TAF5: variants seen among roughly 807,000 people sequenced by gnomAD.
TAF5 encodes TATA-box binding protein associated factor 5.
TAF5 carries 20 observed loss-of-function variants against 80.9 expected under a neutral mutation model. That is an observed-to-expected ratio of 0.25 (90% CI 0.17 to 0.36). The LOEUF is 0.36. Among genes scored for constraint, TAF5 ranks in the 10% least tolerant of loss-of-function variants. TAF5 has a pLI of 1.00. For missense variants in TAF5, 863 were observed against 1,029.4 expected (o/e 0.84, Z 2.21); for synonymous variants, 388 against 406.4 (o/e 0.95, Z 0.55).
intron 5 of TAF5, among the ~76,000 whole-genome samples, chr10:103,381,274 A>T (rs921404963): frequency 3.0e-5 from 4 of 134,142 alleles, no homozygotes; most frequent in African/African-American, 5.6e-5. Flanking sequence ...TTTTATTATT[A>T]TTTTTTTTTT....
intron 8 of TAF5, 83 bp downstream of exon 8, chr10:103,385,573 C>G: frequency 7.1e-7 from 1 of 1,408,760 alleles, no homozygotes; most frequent in Non-Finnish European, 9.7e-7. Context: ...CAGCCAAATT[C>G]ATTTACACTT....
At chr10:103,381,023 C>T (rs2093381617) in intron 5 of TAF5, among the ~76,000 whole-genome samples, 1 of 151,768 alleles carries the variant, frequency 6.6e-6, no homozygotes, top group Non-Finnish European at 1.5e-5. Context: ...AATTTTGGCT[C>T]ACTGCAACCT....
chr10:103,385,925 CAAAAAAAAAA>C (rs761128565), intron 8 of TAF5, among the ~76,000 whole-genome samples: 1 of 41,206 alleles, frequency 2.4e-5, no homozygotes, highest in East Asian at 8.2e-4. Context: ...GACTTCATCT[CAAAAAAAAAA>C]AAAAAAAAAA....
intron 1 of TAF5, among the ~76,000 whole-genome samples, chr10:103,369,214 G>C (rs953532233): frequency 6.6e-6 from 1 of 151,680 alleles, no homozygotes; most frequent in Non-Finnish European, 1.5e-5. Flanking sequence ...CCTGACCTCA[G>C]ATGATCCACC....
chr10:103,377,776 CT>C (rs1447690028), intron 2 of TAF5, among the ~76,000 whole-genome samples: 1 of 152,056 alleles, frequency 6.6e-6, no homozygotes, highest in Non-Finnish European at 1.5e-5. Flanking sequence ...TGTTGAGATG[CT>C]GAGTACTGTG....
chr10:103,387,592 G>A lies in TAF5; in HGVS notation c.2079G>A (p.Val693=). Residue 693 remains valine, a synonymous_variant, in exon 10 of 11, where the codon GTG becomes GTA. Coordinates refer to ENST00000369839, the MANE Select transcript of TAF5 (RefSeq NM_006951.5). ...CTACAGGAGCAACAGATGGCAGAGT[G>A]CTTCTTTGGGATATTGGACATGGTT... ...FLATGATDGR[V]LLWDIGHGLM... is the part of the protein sequence containing the mutation. 3 of 1,614,104 alleles carry A rather than the reference G, an allele frequency of 1.9e-6. No homozygotes were observed. The highest frequency in any genetic ancestry group is 2.5e-6 in the Non-Finnish European group (3 of 1,180,002).
intron 2 of TAF5, among the ~76,000 whole-genome samples, chr10:103,377,538 T>C (rs2093372669): frequency 1.3e-5 from 2 of 152,220 alleles, no homozygotes; most frequent in Admixed American, 6.5e-5. Context: ...AATTAAGCGT[T>C]GTAAAAACAA....
Position 103,381,906 on chromosome 10 carries a change from A to G in TAF5, c.1534+65A>G, listed in dbSNP as rs1592094521. On this transcript the variant is annotated intron_variant, in intron 6 of 10. Transcript: ENST00000369839. Reference sequence around the variant, plus strand: ...GTCTATACCAATCTTGATTCCATGGAAAATACACAGGAGATTGTGTTCTTT... The same window carrying G: ...GTCTATACCAATCTTGATTCCATGGGAAATACACAGGAGATTGTGTTCTTT... The G allele has an allele frequency of 1.9e-6, 3 of 1,589,626 alleles. No individual in the cohort carries two copies. In the East Asian group the frequency reaches 6.7e-5, roughly 36 times the overall value.
chr10:103,380,127 A>G, intron 5 of TAF5, 108 bp downstream of exon 5: 2 of 1,282,916 alleles, frequency 1.6e-6, no homozygotes, highest in South Asian at 1.8e-5. Context: ...CGTTATTTAA[A>G]CTCCTTTTTT....
intron 1 of TAF5, 37 bp from the exon 2 acceptor site, chr10:103,373,321 A>G (rs2093363906): frequency 6.5e-7 from 1 of 1,545,908 alleles, no homozygotes; most frequent in Non-Finnish European, 8.9e-7. Flanking sequence ...TGGTCATAAT[A>G]GGTCATTTTC....
Position 103,374,372 on chromosome 10 carries a change from C to G in TAF5, c.797+777C>G, listed in dbSNP as rs1251096191. 1.3e-5 allele frequency among the ~76,000 whole-genome samples: 2 copies of G among 152,196 alleles called. No individual in the cohort carries two copies. The highest frequency in any genetic ancestry group is 2.4e-5 in the African/African-American group (1 of 41,450). On this transcript the variant is annotated intron_variant, in intron 2 of 10. Transcript: ENST00000369839. This position sits in a 1 kb window ranked among gnomAD's most constrained non-coding sequence, Gnocchi z 4.3. The stretch of plus-strand genomic sequence containing the variant: ...CAAGCTCCCTCGGTCTTGTTGCTCT[C>G]TCATGCTTTTCATGCAATTTCCACC...
rs749413804 is a variant in TAF5 at position 103,368,400 on chromosome 10, C to T, written c.411C>T (p.Asp137=). ...GCTCCGGAGCCCCGGGAGAGGTGGA[C>T]AGCGCCGGCGCTGAGGTGACCAGCG... ...VAGSGAPGEV[D]SAGAEVTSAL... Residue 137 remains aspartate (D), a synonymous_variant, in exon 1 of 11, where the codon GAC becomes GAT. Coordinates refer to ENST00000369839, the MANE Select transcript of TAF5 (RefSeq NM_006951.5). 28 of 1,560,456 alleles carry T rather than the reference C, an allele frequency of 1.8e-5. No individual in the cohort carries two copies. The highest frequency in any genetic ancestry group is 2.3e-5 in the Non-Finnish European group (27 of 1,162,160).
rs2093366662 is a variant in TAF5 at position 103,374,658 on chromosome 10, C to G, written c.797+1063C>G. Among the ~76,000 whole-genome samples the G allele has an allele frequency of 6.6e-6, 1 of 152,170 alleles. No homozygotes were observed. Among genetic ancestry groups the G allele is most frequent in the Middle Eastern group, 3.2e-3 (1 of 316 alleles). On this transcript the variant is annotated intron_variant, in intron 2 of 10. Coordinates refer to ENST00000369839, the MANE Select transcript of TAF5 (RefSeq NM_006951.5). This position sits in a 1 kb window ranked among gnomAD's most constrained non-coding sequence, Gnocchi z 4.3. ...AAGCCTTTTTGCTACAGAGTCATTT[C>G]TGCTACAGAGTCATTAAAGGACCAT...
intron 8 of TAF5, 70 bp from the exon 9 acceptor site, chr10:103,387,097 ATTTATTTT>A: frequency 7.1e-7 from 1 of 1,407,574 alleles, no homozygotes; most frequent in Non-Finnish European, 9.6e-7. Context: ...ATGTTTCTGT[ATTTATTTT>A]GTATAGATTT....
chr10:103,368,600 G>A (rs1186268058), intron 1 of TAF5, 52 bp downstream of exon 1: 3 of 1,444,298 alleles, frequency 2.1e-6, no homozygotes, highest in African/African-American at 1.5e-5. Context: ...GGAGCAAGCC[G>A]GTAAGGCAGG....
intron 8 of TAF5, 82 bp from the exon 9 acceptor site, chr10:103,387,093 C>T: frequency 2.2e-6 from 3 of 1,370,808 alleles, no homozygotes; most frequent in East Asian, 4.7e-5. Flanking sequence ...GTGGATGTTT[C>T]TGTATTTATT....
At chr10:103,381,301 C>T (rs1357976530) in intron 5 of TAF5, among the ~76,000 whole-genome samples, 1 of 152,056 alleles carries the variant, frequency 6.6e-6, no homozygotes, top group Non-Finnish European at 1.5e-5. Flanking sequence ...GAGTCTCACT[C>T]TGTCGCCCAG....
At position 103,368,189 on chromosome 10, in the gene TAF5, C is replaced by A; in HGVS notation, c.200C>A (p.Thr67Lys). The A allele has an allele frequency of 7.2e-7, 1 of 1,394,638 alleles. No individual in the cohort carries two copies. The highest frequency in any genetic ancestry group is 3.0e-5 in the East Asian group (1 of 33,278). 86.4% of individuals were successfully genotyped at this position (1,394,638 alleles called of 1,614,324 possible). A position where few individuals can be genotyped will look rare whatever the true frequency, so the allele number is the denominator to read the frequency against. ...GGGGATGGCGGGACCCCCAAGCCCA[C>A]GGTGGCTGTCTCCGCCGCTGCCCCG... Reference protein sequence around the residue: ...TGGDGGTPKPTVAVSAAAPAG... With the variant: ...TGGDGGTPKPKVAVSAAAPAG... Residue 67 changes from threonine (T) to lysine (K), a missense_variant, in exon 1 of 11, where the codon ACG (threonine) becomes AAG (lysine). By Grantham distance (78) the Thr-to-Lys change is moderately conservative (BLOSUM62 -1). This residue lies in a region of TAF5 where 367 missense variants were observed against 335.5 expected (regional missense o/e 1.09). Transcript: ENST00000369839.
At chr10:103,369,708 CT>C (rs2093354716) in intron 1 of TAF5, among the ~76,000 whole-genome samples, 1 of 151,962 alleles carries the variant, frequency 6.6e-6, no homozygotes, top group African/African-American at 2.4e-5. Context: ...AGTGTTAAGT[CT>C]TTGGAGGATG....
Sources: allele counts gnomAD v4.1 joint callset (sites outside exome capture counted in the v4.1 genomes callset), GRCh38; gene constraint gnomAD v4.1.1; regional missense constraint gnomAD v4.1.1; non-coding constraint Gnocchi (gnomAD v3.1); transcripts MANE v1.5; gene names NCBI Gene and HGNC (gene_info 2026-07-23, HGNC 2026-07-21).